Variants in ACSL1 observed in about 807,000 individuals in gnomAD.
ACSL1 encodes acyl-CoA synthetase long chain family member 1, also known as long-chain-fatty-acid--CoA ligase 1.
ACSL1 carries 41 observed loss-of-function variants against 98.4 expected under a neutral mutation model. That is an observed-to-expected ratio of 0.42 (90% CI 0.32 to 0.54). The LOEUF (loss-of-function observed/expected upper bound fraction) is 0.54, where lower values mean the gene tolerates loss of function less well. ACSL1 is among the 20% of genes least tolerant of loss of function. The pLI, the probability that ACSL1 is intolerant of heterozygous loss-of-function variation, is 0.13. For synonymous variants in ACSL1, 316 were observed against 322.7 expected (o/e 0.98, Z 0.22); for missense variants, 734 against 883.1 (o/e 0.83, Z 2.14).
chr4:184,760,875 G>C (rs912739145), intron 17 of ACSL1, among the ~76,000 whole-genome samples: 17 of 152,206 alleles, frequency 1.1e-4, no homozygotes, highest in Admixed American at 3.3e-4. Flanking sequence ...TTAATAGCAG[G>C]AACACAACTT....
At position 184,766,809 on chromosome 4, in the gene ACSL1, C is replaced by T; in HGVS notation, c.1129-53G>A. 6.4e-7 allele frequency: 1 copy of T among 1,565,446 alleles called. No homozygotes were observed. The highest frequency in any genetic ancestry group is 2.3e-5 in the East Asian group (1 of 44,112). ...TCACACCTACTAGGATGGCCAGAGT[C>T]AAAGAGTGTGGAGAAATCAGAACCC... is the stretch of plus-strand genomic sequence containing the variant. On this transcript the variant is annotated intron_variant, in intron 12 of 20. Transcript: ENST00000281455. The surrounding 1 kb of genome is among the most constrained non-coding windows in gnomAD (Gnocchi z 4.8).
intron 7 of ACSL1, among the ~76,000 whole-genome samples, chr4:184,775,211 C>T (rs568980443): frequency 3.7e-4 from 56 of 152,144 alleles, no homozygotes; most frequent in African/African-American, 1.2e-3. Flanking sequence ...TGCAGTGGGG[C>T]GATCTCTTCA....
intron 1 of ACSL1, among the ~76,000 whole-genome samples, chr4:184,807,915 C>T (rs918984536): frequency 7.9e-5 from 12 of 152,212 alleles, no homozygotes; most frequent in Admixed American, 7.2e-4. Context: ...ACCCTCTCCC[C>T]TGAGAACACA....
At chr4:184,784,139 T>A (rs1766813965) in intron 3 of ACSL1, 148 bp from the exon 4 acceptor site, 1 of 645,586 alleles carries the variant, frequency 1.5e-6, no homozygotes, top group Admixed American at 3.0e-5. Flanking sequence ...AGATTGGAAA[T>A]GTTTTCTCCC....
rs927416313 is a variant in ACSL1, at chr4:184,762,424, T to C, written c.1621A>G (p.Ile541Val). 1.2e-6 allele frequency: 2 copies of C among 1,614,214 alleles called. No individual in the cohort carries two copies. Among genetic ancestry groups the C allele is most frequent in the Non-Finnish European group, 8.5e-7 (1 of 1,180,014 alleles). Reference sequence around the variant, plus strand: ...CAACTTACTGGTAACCATTTTCCAATGTCCCCTGTGTGTAACCAGCCGTCT... The same window carrying C: ...CAACTTACTGGTAACCATTTTCCAACGTCCCCTGTGTGTAACCAGCCGTCT... ...DKDGWLHTGD[I>V]GKWLPNGTLK... The change falls in exon 17 of 21, where the codon ATT becomes GTT. Residue 541 changes from isoleucine (I) to valine (V), a missense_variant. By Grantham distance (29) the Ile-to-Val change is conservative (BLOSUM62 3). Coordinates refer to ENST00000281455, the MANE Select transcript of ACSL1 (RefSeq NM_001995.5).
intron 2 of ACSL1, among the ~76,000 whole-genome samples, chr4:184,801,934 T>C (rs1431142338): frequency 6.6e-6 from 1 of 152,260 alleles, no homozygotes; most frequent in Non-Finnish European, 1.5e-5. Context: ...TGCTAAGTTA[T>C]ACATGTCTTA....
intron 7 of ACSL1, among the ~76,000 whole-genome samples, chr4:184,774,448 C>A (rs899872115): frequency 6.6e-6 from 1 of 152,080 alleles, no homozygotes; most frequent in African/African-American, 2.4e-5. Flanking sequence ...TGGGAGCCCC[C>A]AATTATAAAA....
chr4:184,765,028 C>T (rs985144799), intron 14 of ACSL1, 103 bp from the exon 15 acceptor site: 3 of 1,118,854 alleles, frequency 2.7e-6, no homozygotes, highest in Admixed American at 4.7e-5. Context: ...TCATGGCTGA[C>T]TGGTGAAATC....
At position 184,756,044 on chromosome 4, in the gene ACSL1, T is replaced by A. The variant is rs779790132; in HGVS notation, c.*1081A>T. The A allele has an allele frequency of 1.3e-5, 2 of 152,300 alleles. No individual in the cohort carries two copies. Among genetic ancestry groups the A allele is most frequent in the Non-Finnish European group, 2.9e-5 (2 of 68,032 alleles). 9.4% of individuals were successfully genotyped at this position (152,300 alleles called of 1,614,324 possible). On this transcript the variant is annotated 3_prime_UTR_variant, in exon 21 of 21. Transcript: ENST00000281455. ...TCAAACACATTTCATAGAAATCAGG[T>A]AGCATTATAAGAACATTTGCTTATT...
At chr4:184,787,360 G>A (rs879729771) in intron 3 of ACSL1, among the ~76,000 whole-genome samples, 1 of 152,212 alleles carries the variant, frequency 6.6e-6, no homozygotes, top group Non-Finnish European at 1.5e-5. Context: ...CAGAATGCCA[G>A]GTGAACACCT....
chr4:184,824,900 T>C (rs1773344182), intron 1 of ACSL1, among the ~76,000 whole-genome samples: 1 of 152,234 alleles, frequency 6.6e-6, no homozygotes, highest in Admixed American at 6.5e-5. Flanking sequence ...ATAATTGTTT[T>C]CTTTGGGACA....
At chr4:184,764,406 CTTT>C (rs939735578) in intron 15 of ACSL1, among the ~76,000 whole-genome samples, 3 of 152,212 alleles carry the variant, frequency 2.0e-5, no homozygotes, top group Non-Finnish European at 4.4e-5. Flanking sequence ...TGAGAAATGA[CTTT>C]TTGAGAAAAA....
chr4:184,760,764 C>T (rs1762748047), intron 17 of ACSL1, among the ~76,000 whole-genome samples: 1 of 152,202 alleles, frequency 6.6e-6, no homozygotes, highest in East Asian at 1.9e-4. Flanking sequence ...CACCACTTGG[C>T]ACCACTGACT....
chr4:184,758,746 T>A lies in ACSL1; in HGVS notation c.1783-826A>T, dbSNP rs1240126009. On this transcript the variant is annotated intron_variant, in intron 18 of 20. Coordinates refer to ENST00000281455, the MANE Select transcript of ACSL1 (RefSeq NM_001995.5). The stretch of plus-strand genomic sequence containing the variant: ...ATAAGAAAATATCCTAAAATAATTT[T>A]AAAATCTAACAACTTTTTCTTTTTT... The A allele has an allele frequency of 2.0e-5, 3 of 152,324 alleles. No individual in the cohort carries two copies. The East Asian group carries it at 5.8e-4, about 29-fold the overall frequency. 9.4% of individuals were successfully genotyped at this position (152,324 alleles called of 1,614,324 possible). A position where few individuals can be genotyped will look rare whatever the true frequency, so the allele number is the denominator to read the frequency against.
chr4:184,810,119 CTTTTTAAACTGA>C (rs1461084793), intron 1 of ACSL1, among the ~76,000 whole-genome samples: 3 of 152,204 alleles, frequency 2.0e-5, no homozygotes, highest in Non-Finnish European at 4.4e-5. Context: ...CTATTTATAG[CTTTTTAAACTGA>C]TTTTTAAATG....
chr4:184,820,520 T>TG, intron 1 of ACSL1, among the ~76,000 whole-genome samples: 1 of 152,284 alleles, frequency 6.6e-6, no homozygotes, highest in Middle Eastern at 3.4e-3. Context: ...GTAAATGAGA[T>TG]GGGGGTAAAA....
chr4:184,812,054 C>T (rs12510622), intron 1 of ACSL1: 531,226 of 532,458 alleles, frequency 1, 265,003 homozygotes, highest in East Asian at 1. Context: ...CCCAGAAATC[C>T]TACACAATCC....
At chr4:184,765,794 A>AAC (rs35565140) in intron 14 of ACSL1, 97 bp downstream of exon 14, 25,083 of 915,994 alleles carry the variant, frequency 0.027, 240 homozygotes, top group African/African-American at 0.069. Context: ...ATTAAGAAAG[A>AAC]ACACACACAC....
intron 3 of ACSL1, among the ~76,000 whole-genome samples, chr4:184,787,210 A>G (rs982739377): frequency 2.0e-5 from 3 of 152,204 alleles, no homozygotes; most frequent in African/African-American, 7.2e-5. Flanking sequence ...AAATAGAAAG[A>G]GGGGTGGAGA....
Sources: allele counts gnomAD v4.1 joint callset (sites outside exome capture counted in the v4.1 genomes callset), GRCh38; gene constraint gnomAD v4.1.1; non-coding constraint Gnocchi (gnomAD v3.1); transcripts MANE v1.5; gene names NCBI Gene and HGNC (gene_info 2026-07-23, HGNC 2026-07-21).